Variants in EPG5 observed in about 807,000 individuals in gnomAD.
EPG5 encodes the protein ectopic P-granules 5 autophagy tethering factor, also known as ectopic P granules protein 5 homolog.
EPG5 carries 159 observed loss-of-function variants against 302.7 expected under a neutral mutation model. The observed-to-expected ratio is 0.53, with a 90% CI of 0.46 to 0.60. The LOEUF (loss-of-function observed/expected upper bound fraction) is 0.60. Among genes scored for constraint, EPG5 ranks in the 20% least tolerant of loss-of-function variants. EPG5 has a pLI of 0.00. For synonymous variants in EPG5, 1,158 were observed against 1,136.8 expected (o/e 1.02, Z -0.37); for missense variants, 2,896 against 3,092.4 (o/e 0.94, Z 1.51).
chr18:45,857,939 G>C lies in EPG5; in HGVS notation c.7356C>G (p.Ser2452Arg), dbSNP rs1568094207. ...TCTCCTCAGCCACGAGGTTCTGCCT[G>C]CTCTGAACCAAGAGCAGAATTCGAA... The part of the protein sequence containing the change: ...SVIRILLLVQ[S>R]RQNLVAEERL... Residue 2452 changes from serine to arginine, a missense_variant, in exon 42 of 44, where the codon AGC becomes AGG. Ser to Arg is a moderately radical substitution (Grantham distance 110). Coordinates refer to ENST00000282041, the MANE Select transcript of EPG5 (RefSeq NM_020964.3). 4 of 1,613,090 alleles carry C rather than the reference G, an allele frequency of 2.5e-6. No individual in the cohort carries two copies. Among genetic ancestry groups the C allele is most frequent in the Admixed American group, 1.7e-5 (1 of 60,002 alleles).
intron 16 of EPG5, among the ~76,000 whole-genome samples, chr18:45,921,577 T>G (rs753069312): frequency 2.6e-5 from 4 of 152,136 alleles, no homozygotes; most frequent in Non-Finnish European, 5.9e-5. Context: ...TCTGAGAAAA[T>G]TGAACAGATT....
At chr18:45,890,004 C>CA in intron 27 of EPG5, 64 bp from the exon 28 acceptor site, 1 of 1,370,402 alleles carries the variant, frequency 7.3e-7, no homozygotes, top group South Asian at 1.5e-5. Flanking sequence ...CATGAAGACT[C>CA]AAACTGAAAT....
At chr18:45,943,438 T>C (rs1377930373) in intron 8 of EPG5, 127 bp from the exon 9 acceptor site, 12 of 729,354 alleles carry the variant, frequency 1.6e-5, no homozygotes, top group Non-Finnish European at 2.7e-5. Flanking sequence ...GTCTCATTAC[T>C]CTGGCTCCCA....
chr18:45,892,735 C>T lies in EPG5; in HGVS notation c.4810-2795G>A, dbSNP rs540280143. 7.4e-4 allele frequency among the ~76,000 whole-genome samples: 113 copies of T among 152,254 alleles called. 1 individual carries two copies. Among genetic ancestry groups the T allele is most frequent in the Middle Eastern group, 3.4e-3 (1 of 294 alleles). On this transcript the variant is annotated intron_variant, in intron 27 of 43. Coordinates refer to ENST00000282041, the MANE Select transcript of EPG5 (RefSeq NM_020964.3). ...CATAAAATATATTTGCCTTTGTATA[C>T]CCCAAACAAGCTATCCATAGCTCAG...
At chr18:45,939,500 AG>A in intron 10 of EPG5, 99 bp downstream of exon 10, 2 of 1,195,562 alleles carry the variant, frequency 1.7e-6, no homozygotes, top group Non-Finnish European at 2.4e-6. Context: ...AAATACACTA[AG>A]AAACTATTAT....
chr18:45,864,339 G>A (rs1192842102), intron 39 of EPG5, among the ~76,000 whole-genome samples: 1 of 151,928 alleles, frequency 6.6e-6, no homozygotes, highest in Non-Finnish European at 1.5e-5. Flanking sequence ...CTTCGGATGG[G>A]TTTAATCTGT....
At chr18:45,854,983 C>T (rs986990678) in intron 43 of EPG5, among the ~76,000 whole-genome samples, 9 of 152,306 alleles carry the variant, frequency 5.9e-5, no homozygotes, top group South Asian at 2.1e-4. Flanking sequence ...GGAGTACTCA[C>T]GAATGCTGAT....
At chr18:45,906,134 T>C (rs968234046) in intron 24 of EPG5, among the ~76,000 whole-genome samples, 2 of 152,212 alleles carry the variant, frequency 1.3e-5, no homozygotes, top group Non-Finnish European at 2.9e-5. Context: ...ACCAACTCCT[T>C]GATAGAGAGC....
At chr18:45,900,370 A>C (rs1338613774) in intron 26 of EPG5, among the ~76,000 whole-genome samples, 2 of 142,396 alleles carry the variant, frequency 1.4e-5, no homozygotes, top group Non-Finnish European at 3.0e-5. Context: ...CCACTGCACC[A>C]CTCCAGCCTG....
At chr18:45,907,919 C>CT (rs2049794316) in intron 24 of EPG5, 39 bp downstream of exon 24, 1 of 1,135,912 alleles carries the variant, frequency 8.8e-7, no homozygotes, top group South Asian at 1.5e-5. Flanking sequence ...TTCAGATATG[C>CT]TAAAAAAAAA....
In EPG5 at chr18:45,866,774, C is replaced by T. The variant is rs554252901; in HGVS notation, c.6621+24G>A. 9.4e-6 allele frequency: 15 copies of T among 1,590,540 alleles called. No individual in the cohort carries two copies. The South Asian group carries it at 1.5e-4, about 16-fold the overall frequency. On this transcript the variant is annotated intron_variant, in intron 38 of 43. Transcript: ENST00000282041. ...ACCAATCTCCAGGAACAGTCTCTGC[C>T]TTTTAAACTACCTCTCAACTTACAA...
chr18:45,965,533 T>C (rs1263933301), intron 1 of EPG5, among the ~76,000 whole-genome samples: 2 of 152,214 alleles, frequency 1.3e-5, no homozygotes, highest in South Asian at 2.1e-4. Context: ...ATGGTACCTA[T>C]GAACACTACC....
chr18:45,818,298 T>C, the EPG5 span, among the ~76,000 whole-genome samples: 2 of 152,148 alleles, frequency 1.3e-5, no homozygotes, highest in Non-Finnish European at 2.9e-5. Flanking sequence ...GATTTTAATA[T>C]GCATATTTTT....
intron 35 of EPG5, among the ~76,000 whole-genome samples, chr18:45,873,791 A>T (rs983833926): frequency 2.6e-5 from 4 of 152,230 alleles, no homozygotes; most frequent in African/African-American, 9.7e-5. Context: ...ACACCTCTTC[A>T]AGGTAAGATA....
chr18:45,847,168 C>A (rs1353563830), downstream of EPG5, among the ~76,000 whole-genome samples: 1 of 152,228 alleles, frequency 6.6e-6, no homozygotes, highest in South Asian at 2.1e-4. Context: ...CCCTTCTCCA[C>A]ACCTTGGCCC....
At position 45,849,315 on chromosome 18, in the gene EPG5, G is replaced by A. The variant is rs553283020; in HGVS notation, c.*3152C>T. The A allele has an allele frequency of 5.2e-5, 8 of 152,418 alleles. No individual in the cohort carries two copies. The South Asian group carries it at 6.2e-4, about 12-fold the overall frequency. 9.4% of individuals were successfully genotyped at this position (152,418 alleles called of 1,614,324 possible). A position where few individuals can be genotyped will look rare whatever the true frequency, so the allele number is the denominator to read the frequency against. On this transcript the variant is annotated 3_prime_UTR_variant, in exon 44 of 44. Transcript: ENST00000282041. ...TAGAAAGCAGAACTACAGAGCCTGCGGATGGCAGCCTAGGCCTGCCCATCA... is the reference window on the plus strand; with the variant it reads ...TAGAAAGCAGAACTACAGAGCCTGCAGATGGCAGCCTAGGCCTGCCCATCA...
intron 28 of EPG5, among the ~76,000 whole-genome samples, chr18:45,888,265 C>T (rs1259261167): frequency 1.3e-5 from 2 of 151,580 alleles, no homozygotes; most frequent in Non-Finnish European, 2.9e-5. Context: ...GCTACCACAC[C>T]TGGCTAATTT....
At chr18:45,948,982 G>C (rs1224528456) in intron 5 of EPG5, among the ~76,000 whole-genome samples, 1 of 152,196 alleles carries the variant, frequency 6.6e-6, no homozygotes, top group Non-Finnish European at 1.5e-5. Context: ...CTAAGTGGTT[G>C]CTATGAGTAA....
chr18:45,882,321 T>C lies in EPG5; in HGVS notation c.5471A>G (p.Tyr1824Cys). 3 of 1,614,144 alleles carry C rather than the reference T, an allele frequency of 1.9e-6. No homozygotes were observed. Among genetic ancestry groups the C allele is most frequent in the Non-Finnish European group, 2.5e-6 (3 of 1,180,028 alleles). The stretch of plus-strand genomic sequence containing the variant: ...GTCACTGTACTGGTCAGGAAACTGG[T>C]AGAGAAGAAGATAAGTCCAGTGCTT... The part of the protein sequence containing the change: ...FCKHWTYLLL[Y>C]QFPDQYSDIL... The change falls in exon 31 of 44, where the codon TAC (tyrosine) becomes TGC (cysteine). Residue 1824 changes from tyrosine to cysteine, a missense_variant. Tyr to Cys is a radical substitution (Grantham distance 194). This residue lies in a region of EPG5 where 790 missense variants were observed against 798.0 expected (regional missense o/e 0.99). Coordinates refer to ENST00000282041, the MANE Select transcript of EPG5 (RefSeq NM_020964.3).
Sources: gnomAD v4.1 joint callset for allele counts (sites outside exome capture counted in the v4.1 genomes callset) on GRCh38, gnomAD v4.1.1 for gene constraint, gnomAD v4.1.1 regional missense constraint, MANE v1.5 for transcripts, NCBI Gene and HGNC (gene_info 2026-07-23, HGNC 2026-07-21) for gene names.